FANCL: variants seen among roughly 807,000 people sequenced by gnomAD.
FANCL encodes the protein FA complementation group L.
A neutral mutation model predicts 59.4 loss-of-function variants in FANCL; 69 were observed. The ratio of observed to expected loss-of-function variants is 1.16; its 90% CI spans 0.96 to 1.42. The LOEUF is 1.42. Ranked by LOEUF, FANCL falls within the 40% of genes most tolerant of loss-of-function variation. FANCL has a pLI of 0.00. For missense variants in FANCL, 519 were observed against 447.2 expected (o/e 1.16, Z -1.45); for synonymous variants, 180 against 147.1 (o/e 1.22, Z -1.62).
chr2:58,193,499 AC>A (rs1689138201), intron 7 of FANCL, among the ~76,000 whole-genome samples: 1 of 152,158 alleles, frequency 6.6e-6, no homozygotes, highest in African/African-American at 2.4e-5. Context: ...AATGACTGCT[AC>A]GCTTATACTT....
chr2:58,181,738 T>C (rs906398976), intron 7 of FANCL, among the ~76,000 whole-genome samples: 1 of 151,908 alleles, frequency 6.6e-6, no homozygotes, highest in Non-Finnish European at 1.5e-5. Flanking sequence ...ACTTTTTCAA[T>C]GTTTCTTGTA....
At chr2:58,165,423 G>C (rs1399303204) in intron 8 of FANCL, among the ~76,000 whole-genome samples, 1 of 152,098 alleles carries the variant, frequency 6.6e-6, no homozygotes, top group Non-Finnish European at 1.5e-5. Flanking sequence ...CTTGTTCTAA[G>C]TAATGTAAAT....
At chr2:58,184,591 G>A (rs1180154911) in intron 7 of FANCL, among the ~76,000 whole-genome samples, 1 of 151,896 alleles carries the variant, frequency 6.6e-6, no homozygotes, top group Non-Finnish European at 1.5e-5. Flanking sequence ...TAAGAATAAG[G>A]AAATGAATAA....
At chr2:58,186,547 T>C (rs1241840413) in intron 7 of FANCL, among the ~76,000 whole-genome samples, 1 of 152,200 alleles carries the variant, frequency 6.6e-6, no homozygotes, top group East Asian at 1.9e-4. Flanking sequence ...ATGGTAGCTA[T>C]GTAAGCAGCT....
intron 7 of FANCL, among the ~76,000 whole-genome samples, chr2:58,166,239 G>A (rs1252592590): frequency 1.3e-5 from 2 of 152,038 alleles, no homozygotes; most frequent in East Asian, 1.9e-4. Flanking sequence ...TATACAAAAT[G>A]TCTATAATAT....
chr2:58,238,986 T>A (rs1357090088), intron 1 of FANCL, among the ~76,000 whole-genome samples: 1 of 152,158 alleles, frequency 6.6e-6, no homozygotes, highest in East Asian at 1.9e-4. Flanking sequence ...TCAAGTAATT[T>A]TTTTAAAAGT....
At chr2:58,218,902 A>G (rs927541580) in intron 5 of FANCL, among the ~76,000 whole-genome samples, 1 of 151,604 alleles carries the variant, frequency 6.6e-6, no homozygotes, top group African/African-American at 2.4e-5. Context: ...GTTATATACA[A>G]AAACATTTAC....
At chr2:58,233,660 A>C (rs1693770854) in intron 1 of FANCL, among the ~76,000 whole-genome samples, 1 of 152,080 alleles carries the variant, frequency 6.6e-6, no homozygotes. Context: ...TAGGACTCCC[A>C]CAGCAACTCT....
intron 5 of FANCL, among the ~76,000 whole-genome samples, chr2:58,206,759 C>G (rs1442749675): frequency 6.6e-6 from 1 of 152,094 alleles, no homozygotes; most frequent in Non-Finnish European, 1.5e-5. Flanking sequence ...TTTTGTTAAA[C>G]TTTAAGACGC....
chr2:58,224,803 A>T (rs1692826607), intron 4 of FANCL, among the ~76,000 whole-genome samples: 1 of 151,926 alleles, frequency 6.6e-6, no homozygotes, highest in Non-Finnish European at 1.5e-5. Context: ...TTCAGAGTAA[A>T]AGTGATACAA....
At chr2:58,234,327 C>T (rs1046858782) in intron 1 of FANCL, among the ~76,000 whole-genome samples, 5 of 151,290 alleles carry the variant, frequency 3.3e-5, no homozygotes, top group African/African-American at 9.7e-5. Context: ...GCTGAATAAA[C>T]GCAGGGTGAA....
intron 7 of FANCL, among the ~76,000 whole-genome samples, chr2:58,187,807 A>G (rs1197513806): frequency 2.0e-5 from 3 of 152,182 alleles, no homozygotes; most frequent in Non-Finnish European, 2.9e-5. Context: ...GAGTTTTATT[A>G]TTGAACTTTG....
At chr2:58,187,650 ACATAAGTT>A (rs1573629840) in intron 7 of FANCL, among the ~76,000 whole-genome samples, 1 of 152,198 alleles carries the variant, frequency 6.6e-6, no homozygotes, top group East Asian at 1.9e-4. Context: ...CAAGCAACTG[ACATAAGTT>A]CAATTCCCTA....
At chr2:58,238,696 T>C (rs1197315583) in intron 1 of FANCL, among the ~76,000 whole-genome samples, 2 of 152,180 alleles carry the variant, frequency 1.3e-5, no homozygotes, top group Admixed American at 6.5e-5. Flanking sequence ...TAAACAATAC[T>C]GTCTAATTAC....
chr2:58,161,154 ATT>A (rs1685096917), intron 12 of FANCL, among the ~76,000 whole-genome samples: 1 of 152,034 alleles, frequency 6.6e-6, no homozygotes, highest in Non-Finnish European at 1.5e-5. Flanking sequence ...TTTTCACTGT[ATT>A]ACTGCCACTT....
intron 5 of FANCL, among the ~76,000 whole-genome samples, chr2:58,217,682 G>T (rs1190955569): frequency 6.6e-6 from 1 of 151,658 alleles, no homozygotes; most frequent in East Asian, 1.9e-4. Context: ...TAACATGACT[G>T]CAAATAGACA....
chr2:58,240,474 C>T (rs1250205760), intron 1 of FANCL, among the ~76,000 whole-genome samples: 1 of 152,196 alleles, frequency 6.6e-6, no homozygotes, highest in Non-Finnish European at 1.5e-5. Context: ...CTGATGTGAT[C>T]ATCAGCAAAT....
At position 58,159,249 on chromosome 2, in the gene FANCL, T is replaced by C; in HGVS notation, c.*516A>G. ...AAAAATAACACGCAAAAACTTGATC[T>C]TGTATAACATTTTATTTAGCATTCT... On this transcript the variant is annotated 3_prime_UTR_variant, in exon 14 of 14. Transcript: ENST00000233741. 1.1e-6 allele frequency: 1 copy of C among 897,460 alleles called. No homozygotes were observed. Among genetic ancestry groups the C allele is most frequent in the Non-Finnish European group, 1.7e-6 (1 of 602,836 alleles). The allele number at this position is 897,460 out of a possible 1,614,324, so 55.6% of individuals were successfully genotyped here. A position where few individuals can be genotyped will look rare whatever the true frequency, so the allele number is the denominator to read the frequency against.
At chr2:58,186,726 C>A (rs1045213569) in intron 7 of FANCL, among the ~76,000 whole-genome samples, 2 of 152,130 alleles carry the variant, frequency 1.3e-5, no homozygotes, top group African/African-American at 2.4e-5. Context: ...CTTGGTCTTA[C>A]AGCATTAGAA....
Sources: gnomAD v4.1 joint callset for allele counts (sites outside exome capture counted in the v4.1 genomes callset) on GRCh38, gnomAD v4.1.1 for gene constraint, MANE v1.5 for transcripts, NCBI Gene and HGNC (gene_info 2026-07-23, HGNC 2026-07-21) for gene names.